NFIB: variants seen among roughly 807,000 people sequenced by gnomAD.
The protein encoded by NFIB is nuclear factor 1 B-type.
NFIB carries 11 observed loss-of-function variants against 61.5 expected under a neutral mutation model. The observed-to-expected ratio is 0.18, with a 90% CI of 0.11 to 0.30. The LOEUF (loss-of-function observed/expected upper bound fraction) is 0.30. NFIB is among the 10% of genes least tolerant of loss of function. The probability of loss-of-function intolerance (pLI) is 1.00; values close to 1 mark genes in which losing one functional copy is unlikely to be tolerated. For missense variants in NFIB, 471 were observed against 608.9 expected (o/e 0.77, Z 2.38); for synonymous variants, 260 against 216.5 (o/e 1.20, Z -1.76).
chr9:14,433,220 G>A, the NFIB span, among the ~76,000 whole-genome samples: 11 of 152,110 alleles, frequency 7.2e-5, no homozygotes, highest in African/African-American at 2.2e-4. Context: ...ACATTAATTC[G>A]ACATTTAACC....
At chr9:14,283,111 C>T (rs1342366933) in intron 2 of NFIB, among the ~76,000 whole-genome samples, 1 of 152,108 alleles carries the variant, frequency 6.6e-6, no homozygotes. Context: ...ACATAAATAT[C>T]AAATCCAGAG....
chr9:14,170,426 C>T (rs983894140), intron 3 of NFIB, among the ~76,000 whole-genome samples: 6 of 152,086 alleles, frequency 3.9e-5, no homozygotes, highest in African/African-American at 1.4e-4. Context: ...AGGATCACTT[C>T]AGCCCAGGAG....
the NFIB span, among the ~76,000 whole-genome samples, chr9:14,504,758 A>G: frequency 1.3e-5 from 2 of 152,140 alleles, no homozygotes; most frequent in African/African-American, 4.8e-5. Flanking sequence ...TTCTAGGTAT[A>G]TGATCATATA....
intron 8 of NFIB, among the ~76,000 whole-genome samples, chr9:14,118,325 G>A (rs1012274759): frequency 1.3e-5 from 2 of 152,008 alleles, no homozygotes; most frequent in African/African-American, 4.8e-5. Context: ...GTACCTACCT[G>A]GAACAAAATG....
chr9:14,458,523 C>T, the NFIB span, among the ~76,000 whole-genome samples: 3 of 152,130 alleles, frequency 2.0e-5, no homozygotes, highest in African/African-American at 7.2e-5. Flanking sequence ...CCAGGGCAAT[C>T]ATGCAGGAGA....
At chr9:14,329,328 G>C (rs180685536) in intron 1 of NFIB, among the ~76,000 whole-genome samples, 1 of 152,060 alleles carries the variant, frequency 6.6e-6, no homozygotes, top group Non-Finnish European at 1.5e-5. Context: ...CTGTGTGCCA[G>C]TATGAGCAGC....
chr9:14,233,886 G>C (rs2053466914), intron 2 of NFIB, among the ~76,000 whole-genome samples: 1 of 152,164 alleles, frequency 6.6e-6, no homozygotes, highest in Non-Finnish European at 1.5e-5. Flanking sequence ...TCTGAGGGCA[G>C]TTTTGTCACC....
rs570538281 is a variant in NFIB, at chr9:14,191,934, C to T, written c.563-12154G>A. Among the ~76,000 whole-genome samples, 3 of 152,344 alleles carry T rather than the reference C, an allele frequency of 2.0e-5. No homozygotes were observed. The East Asian group carries it at 5.8e-4, about 29-fold the overall frequency. ...CAAACTATGCTGCATACTCAACCTC[C>T]AACAAACACATACACAAAAACAAGA... On this transcript the variant is annotated intron_variant, in intron 2 of 10. Coordinates refer to ENST00000380953, the MANE Select transcript of NFIB (RefSeq NM_001190737.2).
chr9:14,523,682 C>A, the NFIB span, among the ~76,000 whole-genome samples: 3 of 152,122 alleles, frequency 2.0e-5, no homozygotes, highest in Non-Finnish European at 4.4e-5. Flanking sequence ...CCCCCAAATA[C>A]ATTAACCTTT....
Position 14,083,234 on chromosome 9 carries a change from G to A in NFIB, c.*5075C>T, listed in dbSNP as rs1481737035. On this transcript the variant is annotated 3_prime_UTR_variant, in exon 11 of 11. Transcript: ENST00000380953. ...CTGTGGCACGGACACAGTACAAAGAGTTGTCATGGCAATGAGTTTGGCTGA... is the reference window on the plus strand; with the variant it reads ...CTGTGGCACGGACACAGTACAAAGAATTGTCATGGCAATGAGTTTGGCTGA... 1 of 224,690 alleles carries A rather than the reference G, an allele frequency of 4.5e-6. No homozygotes were observed. The highest frequency in any genetic ancestry group is 2.2e-5 in the African/African-American group (1 of 44,778). The allele number at this position is 224,690 out of a possible 1,614,324, so 13.9% of individuals were successfully genotyped here. A position where few individuals can be genotyped will look rare whatever the true frequency, so the allele number is the denominator to read the frequency against.
chr9:14,410,315 T>A, the NFIB span, among the ~76,000 whole-genome samples: 1 of 152,226 alleles, frequency 6.6e-6, no homozygotes, highest in Non-Finnish European at 1.5e-5. Flanking sequence ...ATTTTCATAT[T>A]TTGCCCCACT....
At chr9:14,283,927 T>C (rs2058545532) in intron 2 of NFIB, among the ~76,000 whole-genome samples, 1 of 152,118 alleles carries the variant, frequency 6.6e-6, no homozygotes, top group East Asian at 1.9e-4. Flanking sequence ...CTCATGAGAG[T>C]TCTCTAACTC....
intron 1 of NFIB, among the ~76,000 whole-genome samples, chr9:14,328,517 T>C (rs954688705): frequency 6.6e-6 from 1 of 151,896 alleles, no homozygotes; most frequent in Non-Finnish European, 1.5e-5. Flanking sequence ...ATATGAACAA[T>C]AGTAGAGATA....
At chr9:14,332,543 T>G (rs976251413) in intron 1 of NFIB, among the ~76,000 whole-genome samples, 5 of 152,088 alleles carry the variant, frequency 3.3e-5, no homozygotes, top group African/African-American at 9.7e-5. Context: ...ACCTCCCCTG[T>G]GCCACGCCCT....
At chr9:14,394,999 C>G (rs781294128) in intron 1 of NFIB, among the ~76,000 whole-genome samples, 12 of 152,110 alleles carry the variant, frequency 7.9e-5, no homozygotes, top group Non-Finnish European at 1.5e-4. Flanking sequence ...CTCCTCTGGT[C>G]CACTCAATCT....
At chr9:14,238,100 T>C (rs914765670) in intron 2 of NFIB, among the ~76,000 whole-genome samples, 1 of 151,784 alleles carries the variant, frequency 6.6e-6, no homozygotes, top group African/African-American at 2.4e-5. Flanking sequence ...GTAGGAGATT[T>C]TGGGGGCACA....
chr9:14,339,031 G>T (rs898296755), intron 1 of NFIB, among the ~76,000 whole-genome samples: 1 of 152,142 alleles, frequency 6.6e-6, no homozygotes, highest in Non-Finnish European at 1.5e-5. Flanking sequence ...GGGAAAAGAG[G>T]ACACACCATA....
At chr9:14,298,286 C>T (rs941424950) in intron 2 of NFIB, among the ~76,000 whole-genome samples, 25 of 152,166 alleles carry the variant, frequency 1.6e-4, no homozygotes, top group Admixed American at 4.6e-4. Flanking sequence ...GTTTTCACAT[C>T]GGTAACCAAC....
At chr9:14,166,339 A>C (rs1467089671) in intron 3 of NFIB, among the ~76,000 whole-genome samples, 1 of 152,214 alleles carries the variant, frequency 6.6e-6, no homozygotes, top group African/African-American at 2.4e-5. Context: ...TGAGTAATAA[A>C]GAATATATTT....
Sources: gnomAD v4.1 joint callset for allele counts (sites outside exome capture counted in the v4.1 genomes callset) on GRCh38, gnomAD v4.1.1 for gene constraint, MANE v1.5 for transcripts, NCBI Gene and HGNC (gene_info 2026-07-23, HGNC 2026-07-21) for gene names.